RALYL: variants seen among roughly 807,000 people sequenced by gnomAD.
The protein encoded by RALYL is RALY RNA binding protein like, also known as RNA-binding Raly-like protein.
RALYL carries 29 observed loss-of-function variants against 35.1 expected under a neutral mutation model. The ratio of observed to expected loss-of-function variants is 0.83; its 90% CI spans 0.61 to 1.13. The LOEUF is 1.13. RALYL is among the 50% of genes most tolerant of loss of function. The pLI, the probability that RALYL is intolerant of heterozygous loss-of-function variation, is 0.00. For synonymous variants in RALYL, 120 were observed against 127.6 expected, an observed-to-expected ratio of 0.94 and a Z score of 0.40; for missense variants, 359 against 360.4, an observed-to-expected ratio of 1.00 and a Z score of 0.03.
At chr8:84,866,005 C>T (rs1052235238) in intron 6 of RALYL, among the ~76,000 whole-genome samples, 2 of 152,164 alleles carry the variant, frequency 1.3e-5, no homozygotes, top group African/African-American at 4.8e-5. Flanking sequence ...AAGCATCAAC[C>T]AGAGAAATAA....
At chr8:84,849,415 T>C (rs1411856581) in intron 4 of RALYL, among the ~76,000 whole-genome samples, 1 of 152,214 alleles carries the variant, frequency 6.6e-6, no homozygotes, top group East Asian at 1.9e-4. Flanking sequence ...CAATACCTTT[T>C]GTTCATTATG....
chr8:84,711,631 G>A (rs944932252), intron 2 of RALYL, among the ~76,000 whole-genome samples: 17 of 152,180 alleles, frequency 1.1e-4, no homozygotes, highest in African/African-American at 3.6e-4. Flanking sequence ...GCATTGACAG[G>A]GAAAAACAAG....
At chr8:84,392,763 T>G (rs550117904) in intron 1 of RALYL, among the ~76,000 whole-genome samples, 2 of 152,158 alleles carry the variant, frequency 1.3e-5, no homozygotes, top group Admixed American at 1.3e-4. Flanking sequence ...GTATGTACAT[T>G]AAAGCTGGCG....
At chr8:84,909,511 C>T (rs1389564141) in intron 8 of RALYL, among the ~76,000 whole-genome samples, 2 of 152,056 alleles carry the variant, frequency 1.3e-5, no homozygotes, top group Non-Finnish European at 2.9e-5. Context: ...AATAGTATTA[C>T]TATTTGGGTA....
Position 84,183,293 on chromosome 8 carries a change from C to T in RALYL, c.-1155C>T, listed in dbSNP as rs927728708. Reference sequence around the variant, plus strand: ...GGGCTCACAGCGAAGGCAGCCTCGCCGCGAGCTGCCGCTGCCGCTGCTGCC... The same window carrying T: ...GGGCTCACAGCGAAGGCAGCCTCGCTGCGAGCTGCCGCTGCCGCTGCTGCC... On this transcript the variant is annotated 5_prime_UTR_variant, in exon 1 of 9. Transcript: ENST00000521268. 6.5e-6 allele frequency: 1 copy of T among 153,810 alleles called. No homozygotes were observed. Among genetic ancestry groups the T allele is most frequent in the African/African-American group, 2.4e-5 (1 of 41,464 alleles). 9.5% of individuals were successfully genotyped at this position (153,810 alleles called of 1,614,324 possible).
intron 1 of RALYL, among the ~76,000 whole-genome samples, chr8:84,407,001 CCTCTCTCT>C (rs151279468): frequency 4.0e-5 from 6 of 148,558 alleles, no homozygotes; most frequent in Non-Finnish European, 8.9e-5. Flanking sequence ...TCTCTCTCTC[CCTCTCTCT>C]CTCTCTCTCT....
At position 84,686,626 on chromosome 8, in the gene RALYL, A is replaced by T. The variant is rs540611966; in HGVS notation, c.257-87953A>T. On this transcript the variant is annotated intron_variant, in intron 2 of 8. Transcript: ENST00000521268. ...CACCATGTTGGCCAGGCTGGTCTCA[A>T]ACTCCTGACCTCAAATGATCCTCCC... 2.0e-5 allele frequency among the ~76,000 whole-genome samples: 3 copies of T among 152,220 alleles called. No individual in the cohort carries two copies. The East Asian group carries it at 5.8e-4, about 29-fold the overall frequency.
chr8:84,476,067 T>C (rs1446418121), intron 1 of RALYL, among the ~76,000 whole-genome samples: 2 of 152,158 alleles, frequency 1.3e-5, no homozygotes, highest in African/African-American at 4.8e-5. Flanking sequence ...ATACAGTCCT[T>C]GAAGTCCTAC....
At chr8:84,232,982 C>CT (rs1223003780) in intron 1 of RALYL, among the ~76,000 whole-genome samples, 1 of 151,866 alleles carries the variant, frequency 6.6e-6, no homozygotes, top group Non-Finnish European at 1.5e-5. Context: ...TTTGTATTTT[C>CT]TTTTTTTCTT....
intron 1 of RALYL, among the ~76,000 whole-genome samples, chr8:84,365,151 T>C (rs1853957647): frequency 6.6e-6 from 1 of 152,152 alleles, no homozygotes; most frequent in African/African-American, 2.4e-5. Context: ...TTTACCTGGT[T>C]TTCTTAATAG....
chr8:84,460,963 TAA>T (rs1206858329), intron 1 of RALYL, among the ~76,000 whole-genome samples: 1 of 151,544 alleles, frequency 6.6e-6, no homozygotes, highest in Non-Finnish European at 1.5e-5. Context: ...AGTAAAATGA[TAA>T]GAGAGTACAC....
intron 4 of RALYL, among the ~76,000 whole-genome samples, chr8:84,817,736 A>G (rs1385991639): frequency 1.3e-5 from 2 of 151,748 alleles, no homozygotes; most frequent in Non-Finnish European, 2.9e-5. Context: ...TATCTTTTCT[A>G]GAAACGGGGG....
At chr8:84,269,152 C>A (rs1250620431) in intron 1 of RALYL, among the ~76,000 whole-genome samples, 1 of 151,932 alleles carries the variant, frequency 6.6e-6, no homozygotes, top group African/African-American at 2.4e-5. Flanking sequence ...AAGAGCAATA[C>A]CTCTTATTTT....
intron 1 of RALYL, among the ~76,000 whole-genome samples, chr8:84,328,295 C>G (rs1386764543): frequency 1.3e-5 from 2 of 152,058 alleles, no homozygotes; most frequent in Non-Finnish European, 2.9e-5. Flanking sequence ...CCAAGTCTTC[C>G]TAGGTTGTCT....
chr8:84,843,809 T>C (rs1228185635), intron 4 of RALYL, among the ~76,000 whole-genome samples: 1 of 152,064 alleles, frequency 6.6e-6, no homozygotes, highest in Non-Finnish European at 1.5e-5. Flanking sequence ...TCAGAAATAA[T>C]GCCGCATAGC....
At chr8:84,527,333 C>G (rs764056475) in intron 1 of RALYL, among the ~76,000 whole-genome samples, 1 of 152,064 alleles carries the variant, frequency 6.6e-6, no homozygotes, top group Admixed American at 6.6e-5. Flanking sequence ...ACAGCTGTAC[C>G]CTCGAATTAA....
chr8:84,648,894 G>T (rs529031303), intron 2 of RALYL, among the ~76,000 whole-genome samples: 1 of 151,760 alleles, frequency 6.6e-6, no homozygotes, highest in African/African-American at 2.4e-5. Context: ...TATCTGAGAA[G>T]ATTTTCTCAC....
chr8:84,681,828 T>C (rs1373356979), intron 2 of RALYL, among the ~76,000 whole-genome samples: 2 of 152,198 alleles, frequency 1.3e-5, no homozygotes, highest in Non-Finnish European at 2.9e-5. Context: ...GAATACCCTT[T>C]ATTTCCTTTT....
chr8:84,920,112 C>T (rs900896007), intron 8 of RALYL, among the ~76,000 whole-genome samples: 3 of 152,006 alleles, frequency 2.0e-5, no homozygotes, highest in Non-Finnish European at 4.4e-5. Context: ...CATCTGATAC[C>T]TTGATTTGCA....
Sources: allele counts gnomAD v4.1 joint callset (sites outside exome capture counted in the v4.1 genomes callset), GRCh38; gene constraint gnomAD v4.1.1; transcripts MANE v1.5; gene names NCBI Gene and HGNC (gene_info 2026-07-23, HGNC 2026-07-21).